Variants in MYBL2 observed in about 807,000 individuals in gnomAD.
The protein encoded by MYBL2 is myb-related protein B.
A neutral mutation model predicts 79.9 loss-of-function variants in MYBL2; 28 were observed. That is an observed-to-expected ratio of 0.35 (90% CI 0.26 to 0.48). The LOEUF is 0.48. Ranked by LOEUF, MYBL2 falls within the 20% of genes least tolerant of loss-of-function variation. The pLI is 0.99. For synonymous variants in MYBL2, 378 were observed against 361.2 expected (o/e 1.05, Z -0.53); for missense variants, 735 against 893.9 (o/e 0.82, Z 2.27).
intron 3 of MYBL2, among the ~76,000 whole-genome samples, 198 bp from the exon 4 acceptor site, chr20:43,682,596 C>T (rs956308911): frequency 6.6e-6 from 1 of 152,184 alleles, no homozygotes; most frequent in African/African-American, 2.4e-5. Flanking sequence ...AGTTTGCCCT[C>T]TCGTGTAGCA....
At chr20:43,712,424 T>G (rs930824002) in intron 11 of MYBL2, among the ~76,000 whole-genome samples, 2 of 152,046 alleles carry the variant, frequency 1.3e-5, no homozygotes, top group Non-Finnish European at 2.9e-5. Context: ...TGGCCTCTCC[T>G]TGGTGGGGAT....
intron 1 of MYBL2, among the ~76,000 whole-genome samples, chr20:43,668,282 C>T (rs1432635466): frequency 6.7e-6 from 1 of 150,250 alleles, no homozygotes; most frequent in East Asian, 2.0e-4. Flanking sequence ...CTCACTGCAA[C>T]CTCCGCCTCC....
chr20:43,674,017 G>A (rs1338877795), intron 2 of MYBL2, 118 bp downstream of exon 2: 4 of 883,926 alleles, frequency 4.5e-6, no homozygotes, highest in Admixed American at 2.0e-5. Context: ...GGTGAAGGAA[G>A]GGATGGGTCC....
chr20:43,690,973 T>TTTCTCTGC (rs1378266158), intron 5 of MYBL2, among the ~76,000 whole-genome samples: 1 of 152,226 alleles, frequency 6.6e-6, no homozygotes, highest in Non-Finnish European at 1.5e-5. Context: ...TTACTACATG[T>TTTCTCTGC]TTCTCTGCTA....
chr20:43,702,155 C>T (rs376782876), intron 7 of MYBL2, among the ~76,000 whole-genome samples: 6 of 151,748 alleles, frequency 4.0e-5, no homozygotes, highest in African/African-American at 1.2e-4. Context: ...AAAAATTAGC[C>T]GAGAATGGTG....
In MYBL2 at chr20:43,713,029, C is replaced by G. The variant is rs1987946727; in HGVS notation, c.1747C>G (p.Arg583Gly). The change falls in exon 12 of 14, where the codon CGG (arginine) becomes GGG (glycine). Residue 583 changes from arginine (R) to glycine (G), a missense_variant. Transcript: ENST00000217026. ...GLRRSPIKKV[R>G]KSLALDIVDE... Reference sequence around the variant, plus strand: ...GCGGCGGAGCCCCATCAAGAAAGTCCGGAAGTCTCTGGCTCTTGACATTGT... The same window carrying G: ...GCGGCGGAGCCCCATCAAGAAAGTCGGGAAGTCTCTGGCTCTTGACATTGT... The G allele has an allele frequency of 1.2e-6, 2 of 1,612,788 alleles. No homozygotes were observed. The highest frequency in any genetic ancestry group is 1.7e-6 in the Non-Finnish European group (2 of 1,179,478).
chr20:43,675,911 G>GTTTTTT (rs3092199), intron 2 of MYBL2, among the ~76,000 whole-genome samples: 2 of 144,770 alleles, frequency 1.4e-5, no homozygotes, highest in Non-Finnish European at 3.0e-5. Flanking sequence ...CCAATAGGTA[G>GTTTTTT]TTTTTTTTTT....
intron 2 of MYBL2, among the ~76,000 whole-genome samples, chr20:43,677,863 G>C (rs1241021343): frequency 1.3e-5 from 2 of 152,260 alleles, no homozygotes; most frequent in Non-Finnish European, 2.9e-5. Flanking sequence ...GGAATAGAAA[G>C]AGGGGAAAGG....
intron 6 of MYBL2, among the ~76,000 whole-genome samples, chr20:43,696,819 C>T (rs955449923): frequency 4.6e-5 from 7 of 152,396 alleles, no homozygotes; most frequent in Non-Finnish European, 1.0e-4. Flanking sequence ...CTCCGCCTCC[C>T]GGGTTGAAGT....
intron 9 of MYBL2, among the ~76,000 whole-genome samples, chr20:43,705,904 A>G (rs1300507613): frequency 6.6e-6 from 1 of 151,006 alleles, no homozygotes; most frequent in African/African-American, 2.4e-5. Context: ...ATTTCACCGT[A>G]TTAGCCAGGA....
chr20:43,691,513 G>A (rs527315222), intron 5 of MYBL2, among the ~76,000 whole-genome samples: 79 of 150,524 alleles, frequency 5.2e-4, no homozygotes, highest in Admixed American at 1.9e-3. Context: ...GATTACAGGC[G>A]TGAGCCACTG....
At chr20:43,712,662 G>A (rs1322634631) in intron 11 of MYBL2, among the ~76,000 whole-genome samples, 1 of 152,118 alleles carries the variant, frequency 6.6e-6, no homozygotes, top group South Asian at 2.1e-4. Flanking sequence ...GTGTTACTGG[G>A]GTGATTCTCT....
chr20:43,678,424 T>C (rs1419639498), intron 2 of MYBL2, among the ~76,000 whole-genome samples: 2 of 152,194 alleles, frequency 1.3e-5, no homozygotes, highest in Admixed American at 6.5e-5. Context: ...CAGCTCTCAA[T>C]GCAGAGCCAG....
chr20:43,673,910 T>C lies in MYBL2; in HGVS notation c.114+11T>C. 6.4e-7 allele frequency: 1 copy of C among 1,550,898 alleles called. No individual in the cohort carries two copies. Among genetic ancestry groups the C allele is most frequent in the Non-Finnish European group, 8.7e-7 (1 of 1,146,428 alleles). Reference sequence around the variant, plus strand: ...TGGACCCATGAGGAGGTGAGTGCCATGGGGAAGAGAGGGTTGATGGCAGCT... The same window carrying C: ...TGGACCCATGAGGAGGTGAGTGCCACGGGGAAGAGAGGGTTGATGGCAGCT... On this transcript the variant is annotated intron_variant, in intron 2 of 13. Coordinates refer to ENST00000217026, the MANE Select transcript of MYBL2 (RefSeq NM_002466.4).
At chr20:43,678,047 G>A (rs1249905875) in intron 2 of MYBL2, among the ~76,000 whole-genome samples, 3 of 152,190 alleles carry the variant, frequency 2.0e-5, no homozygotes, top group African/African-American at 4.8e-5. Context: ...TCCACTCAGG[G>A]TTAAATGGAT....
At chr20:43,680,227 C>T (rs1258666606) in intron 2 of MYBL2, among the ~76,000 whole-genome samples, 3 of 152,104 alleles carry the variant, frequency 2.0e-5, no homozygotes, top group African/African-American at 7.2e-5. Context: ...GAACTTTCAC[C>T]ATGTTGGCCA....
chr20:43,669,278 C>T (rs564854667), intron 1 of MYBL2, among the ~76,000 whole-genome samples: 9 of 152,206 alleles, frequency 5.9e-5, no homozygotes, highest in Non-Finnish European at 1.0e-4. Context: ...GTCGGGATTA[C>T]AGGTGTGAGC....
At chr20:43,684,394 G>A (rs1987218239) in intron 4 of MYBL2, among the ~76,000 whole-genome samples, 1 of 151,642 alleles carries the variant, frequency 6.6e-6, no homozygotes, top group Admixed American at 6.6e-5. Context: ...CTGCCACCAC[G>A]CCCGGCTAAT....
chr20:43,700,357 G>A (rs576870655), intron 7 of MYBL2, among the ~76,000 whole-genome samples: 1 of 152,326 alleles, frequency 6.6e-6, no homozygotes, highest in Non-Finnish European at 1.5e-5. Context: ...TGACTGGCAG[G>A]TGACAGCACA....
Sources: gnomAD v4.1 joint callset for allele counts (sites outside exome capture counted in the v4.1 genomes callset) on GRCh38, gnomAD v4.1.1 for gene constraint, MANE v1.5 for transcripts, NCBI Gene and HGNC (gene_info 2026-07-23, HGNC 2026-07-21) for gene names.